Variants in SCD5 observed in about 807,000 individuals in gnomAD.
The protein encoded by SCD5 is stearoyl-CoA desaturase 5.
A neutral mutation model predicts 30.4 loss-of-function variants in SCD5; 20 were observed. The observed-to-expected ratio is 0.66, with a 90% CI of 0.46 to 0.96. The LOEUF (loss-of-function observed/expected upper bound fraction) is 0.96. SCD5 is among the 40% of genes least tolerant of loss of function. The pLI is 0.00. For missense variants in SCD5, 381 were observed against 443.3 expected (o/e 0.86, Z 1.26); for synonymous variants, 173 against 176.4 (o/e 0.98, Z 0.16).
chr4:82,649,883 T>C (rs1350534092), intron 3 of SCD5, among the ~76,000 whole-genome samples: 1 of 152,194 alleles, frequency 6.6e-6, no homozygotes, highest in East Asian at 1.9e-4. Context: ...GCAGCATGAA[T>C]ACTGGAGATT....
At chr4:82,747,068 T>TCCCCCCCCCCCC (rs772385416) in intron 1 of SCD5, among the ~76,000 whole-genome samples, 1 of 81,182 alleles carries the variant, frequency 1.2e-5, no homozygotes, top group Non-Finnish European at 3.6e-5. Context: ...CTGGGCAACC[T>TCCCCCCCCCCCC]GCCCCCCAAG....
In SCD5 at chr4:82,631,385, C is replaced by G. The variant is rs150319742; in HGVS notation, c.935G>C (p.Arg312Pro). ...CWLGLATDRKRATKPMIEARK... is the reference protein window; with the variant it reads ...CWLGLATDRKPATKPMIEARK... ...GGCCTCGATCATCGGCTTGGTTGCC[C>G]GTTTGCGGTCAGTGGCCAGCCCCAG... The change falls in exon 5 of 5, where the codon CGG becomes CCG. Residue 312 changes from arginine to proline, a missense_variant. Transcript: ENST00000319540. 3.7e-6 allele frequency: 6 copies of G among 1,613,990 alleles called. No homozygotes were observed. The highest frequency in any genetic ancestry group is 1.7e-5 in the Admixed American group (1 of 60,016).
At chr4:82,685,049 G>A (rs142264835) in intron 2 of SCD5, among the ~76,000 whole-genome samples, 3 of 152,310 alleles carry the variant, frequency 2.0e-5, no homozygotes, top group Admixed American at 2.0e-4. Flanking sequence ...AGTTTATACT[G>A]AATTGTAGGT....
intron 3 of SCD5, among the ~76,000 whole-genome samples, chr4:82,674,715 C>T (rs1167438928): frequency 6.6e-6 from 1 of 152,126 alleles, no homozygotes; most frequent in Non-Finnish European, 1.5e-5. Flanking sequence ...TGGGAAGCAA[C>T]CAAGATGTCC....
intron 3 of SCD5, among the ~76,000 whole-genome samples, chr4:82,648,921 A>G (rs1292506358): frequency 6.6e-6 from 1 of 152,210 alleles, no homozygotes; most frequent in African/African-American, 2.4e-5. Context: ...ATGGAGGTAC[A>G]GGATGGAACA....
At chr4:82,686,607 T>C (rs1343676994) in intron 2 of SCD5, among the ~76,000 whole-genome samples, 1 of 152,198 alleles carries the variant, frequency 6.6e-6, no homozygotes, top group African/African-American at 2.4e-5. Context: ...AAATATTTTG[T>C]GATAAATTAA....
intron 4 of SCD5, among the ~76,000 whole-genome samples, chr4:82,635,619 T>TAAAAAAAAAA (rs3972726): frequency 1.7e-5 from 2 of 114,498 alleles, no homozygotes; most frequent in Non-Finnish European, 1.7e-5. Flanking sequence ...GACTCCGTCT[T>TAAAAAAAAAA]AAAAAAAAAA....
At chr4:82,642,019 T>C (rs1727556497) in intron 3 of SCD5, among the ~76,000 whole-genome samples, 1 of 152,104 alleles carries the variant, frequency 6.6e-6, no homozygotes, top group African/African-American at 2.4e-5. Context: ...TATCAACATA[T>C]AGGTCTGGAG....
chr4:82,778,967 A>C (rs1721811886), intron 1 of SCD5, among the ~76,000 whole-genome samples: 1 of 151,922 alleles, frequency 6.6e-6, no homozygotes, highest in Non-Finnish European at 1.5e-5. Flanking sequence ...CCCAGGTTCA[A>C]GCGATTCTCC....
chr4:82,701,613 T>C (rs535239641), intron 2 of SCD5, among the ~76,000 whole-genome samples: 1 of 152,370 alleles, frequency 6.6e-6, no homozygotes, highest in Non-Finnish European at 1.5e-5. Context: ...GGTTTCAGTC[T>C]GTCTATCCAC....
At chr4:82,790,446 G>A (rs570261962) in intron 1 of SCD5, among the ~76,000 whole-genome samples, 49 of 152,248 alleles carry the variant, frequency 3.2e-4, no homozygotes, top group Non-Finnish European at 5.9e-4. Context: ...GAGCTGCCCT[G>A]CCCTGTCTCT....
intron 3 of SCD5, among the ~76,000 whole-genome samples, chr4:82,649,487 A>G (rs1473276479): frequency 6.6e-6 from 1 of 152,124 alleles, no homozygotes; most frequent in Admixed American, 6.5e-5. Flanking sequence ...CCAGCAGCAA[A>G]CATTTTTCAG....
chr4:82,758,828 G>A (rs1721284991), intron 1 of SCD5, among the ~76,000 whole-genome samples: 1 of 152,156 alleles, frequency 6.6e-6, no homozygotes, highest in Non-Finnish European at 1.5e-5. Flanking sequence ...TCACTCCACT[G>A]ACAGCACACG....
intron 2 of SCD5, among the ~76,000 whole-genome samples, chr4:82,698,897 C>T (rs750575018): frequency 2.6e-5 from 4 of 152,206 alleles, no homozygotes; most frequent in Non-Finnish European, 5.9e-5. Context: ...TGTTCATTTG[C>T]TCACATGTTC....
chr4:82,712,269 T>TAC lies in SCD5; in HGVS notation c.233-6857_233-6856insGT, dbSNP rs1438470159. On this transcript the variant is annotated intron_variant, in intron 1 of 4. Transcript: ENST00000319540. Reference sequence around the variant, plus strand: ...ATATATATATATATATATATATATATATATATATATATATATATATATATA... The same window carrying TAC: ...ATATATATATATATATATATATATATACATATATATATATATATATATATATA... Among the ~76,000 whole-genome samples, 43 of 49,208 alleles carry TAC rather than the reference T, an allele frequency of 8.7e-4. 7 individuals are homozygous for TAC. Among genetic ancestry groups the TAC allele is most frequent in the African/African-American group, 5.7e-3 (42 of 7,318 alleles). The allele number at this position is 49,208 out of a possible 152,430, so 32.3% of individuals were successfully genotyped here.
intron 1 of SCD5, among the ~76,000 whole-genome samples, chr4:82,788,820 A>G (rs1180878604): frequency 6.6e-6 from 1 of 152,206 alleles, no homozygotes; most frequent in Non-Finnish European, 1.5e-5. Flanking sequence ...CATTGACTCC[A>G]TGTGCTGCCC....
At chr4:82,751,811 G>C (rs1252563692) in intron 1 of SCD5, among the ~76,000 whole-genome samples, 4 of 152,158 alleles carry the variant, frequency 2.6e-5, no homozygotes, top group Non-Finnish European at 5.9e-5. Flanking sequence ...ATTTTTAGAA[G>C]AGATGGGGTT....
intron 3 of SCD5, among the ~76,000 whole-genome samples, chr4:82,668,946 T>C (rs6811012): frequency 0.72 from 108,957 of 152,164 alleles, 39,712 homozygotes; most frequent in Non-Finnish European, 0.79. Flanking sequence ...CAACCAAGGC[T>C]TTGAATGTGC....
intron 1 of SCD5, among the ~76,000 whole-genome samples, chr4:82,780,650 T>G (rs77890394): frequency 0.012 from 1,778 of 152,382 alleles, 30 homozygotes; most frequent in African/African-American, 0.041. Flanking sequence ...CTTAAAATAC[T>G]TCATCTGTCT....
Sources: allele counts gnomAD v4.1 joint callset (sites outside exome capture counted in the v4.1 genomes callset), GRCh38; gene constraint gnomAD v4.1.1; transcripts MANE v1.5; gene names NCBI Gene and HGNC (gene_info 2026-07-23, HGNC 2026-07-21).